PRORP: variants seen among roughly 807,000 people sequenced by gnomAD.
PRORP encodes mitochondrial ribonuclease P catalytic subunit.
Under a neutral mutation model 59.4 loss-of-function variants are expected in PRORP, and 51 were observed. The observed-to-expected ratio is 0.86, with a 90% CI of 0.69 to 1.08. The LOEUF is 1.08. PRORP is among the 50% of genes least tolerant of loss of function. The pLI is 0.00. For synonymous variants in PRORP, 231 were observed against 245.6 expected (o/e 0.94, Z 0.55); for missense variants, 646 against 690.3 (o/e 0.94, Z 0.72).
chr14:35,250,189 G>A (rs1467926534), intron 5 of PRORP, among the ~76,000 whole-genome samples: 1 of 150,790 alleles, frequency 6.6e-6, no homozygotes, highest in Non-Finnish European at 1.5e-5. Flanking sequence ...CCACGATCTC[G>A]CCACTGCACA....
At chr14:35,152,569 T>A (rs969093364) in intron 4 of PRORP, among the ~76,000 whole-genome samples, 19 of 148,748 alleles carry the variant, frequency 1.3e-4, no homozygotes, top group Admixed American at 2.0e-4. Flanking sequence ...GCCCCCCACC[T>A]CCCTCCCGGA....
rs1207211261 is a variant in PRORP, at chr14:35,123,173, C to CT, written c.-72dup. The CT allele has an allele frequency of 2.3e-5, 34 of 1,476,326 alleles. No individual in the cohort carries two copies. In the East Asian group the frequency reaches 7.5e-4, roughly 33 times the overall value. 91.5% of individuals were successfully genotyped at this position (1,476,326 alleles called of 1,614,324 possible). A position where few individuals can be genotyped will look rare whatever the true frequency, so the allele number is the denominator to read the frequency against. On this transcript the variant is annotated 5_prime_UTR_variant, in exon 2 of 8. Coordinates refer to ENST00000534898, the MANE Select transcript of PRORP (RefSeq NM_014672.4). ...CGACTCTGCACCGCCGACCCCCAAT[C>CT]TCTTTAATTTTGCCATAGAAGAGGG... is the stretch of plus-strand genomic sequence containing the variant.
intron 5 of PRORP, among the ~76,000 whole-genome samples, chr14:35,223,200 A>G (rs956455445): frequency 2.7e-5 from 4 of 149,778 alleles, no homozygotes; most frequent in Non-Finnish European, 4.4e-5. Flanking sequence ...GAAATTGTCA[A>G]TGTGGTATCA....
chr14:35,186,149 ATT>A (rs34848889), intron 5 of PRORP, among the ~76,000 whole-genome samples: 6 of 131,414 alleles, frequency 4.6e-5, no homozygotes, highest in African/African-American at 5.8e-5. Context: ...AGTCCAGCTA[ATT>A]TTTTTTTTTT....
At chr14:35,155,693 T>C (rs946270078) in intron 4 of PRORP, among the ~76,000 whole-genome samples, 10 of 151,780 alleles carry the variant, frequency 6.6e-5, no homozygotes, top group Middle Eastern at 3.2e-3. Flanking sequence ...AATCTTCCTA[T>C]AGTAAAGATT....
chr14:35,124,565 T>G (rs1272112697), intron 2 of PRORP, among the ~76,000 whole-genome samples: 1 of 151,752 alleles, frequency 6.6e-6, no homozygotes, highest in Non-Finnish European at 1.5e-5. Context: ...ACGACAAAAT[T>G]TTCTCTCTTT....
intron 4 of PRORP, among the ~76,000 whole-genome samples, chr14:35,176,250 T>A (rs1185348020): frequency 6.6e-6 from 1 of 152,194 alleles, no homozygotes. Context: ...ATATGAACTT[T>A]AAAGTAGTTT....
chr14:35,258,486 A>G (rs2050814634), intron 5 of PRORP, among the ~76,000 whole-genome samples: 1 of 152,206 alleles, frequency 6.6e-6, no homozygotes, highest in Non-Finnish European at 1.5e-5. Flanking sequence ...TTGGAAACAG[A>G]AACCCCAAAT....
chr14:35,125,171 A>C (rs151193425), intron 2 of PRORP, among the ~76,000 whole-genome samples: 1 of 152,242 alleles, frequency 6.6e-6, no homozygotes, highest in East Asian at 1.9e-4. Context: ...TATTCTGTCT[A>C]CTATCTATAG....
At chr14:35,186,207 G>T (rs2048738181) in intron 5 of PRORP, among the ~76,000 whole-genome samples, 1 of 133,826 alleles carries the variant, frequency 7.5e-6, no homozygotes, top group South Asian at 2.3e-4. Flanking sequence ...GGCTGGTCTT[G>T]AACTCCTGGG....
intron 5 of PRORP, among the ~76,000 whole-genome samples, chr14:35,197,565 C>G (rs1443523097): frequency 2.0e-5 from 3 of 152,038 alleles, no homozygotes; most frequent in Non-Finnish European, 4.4e-5. Context: ...TTATCCCAGT[C>G]AAATACGATT....
intron 5 of PRORP, among the ~76,000 whole-genome samples, chr14:35,256,542 G>T (rs1429809142): frequency 6.6e-6 from 1 of 151,718 alleles, no homozygotes; most frequent in Non-Finnish European, 1.5e-5. Context: ...ATGTTGGTCA[G>T]TCTGGTCTCG....
intron 5 of PRORP, among the ~76,000 whole-genome samples, chr14:35,243,502 C>T (rs1224099003): frequency 2.7e-5 from 4 of 150,168 alleles, no homozygotes; most frequent in Non-Finnish European, 4.4e-5. Context: ...CACCACTGCA[C>T]TCCAGTCTGG....
At chr14:35,186,197 G>A (rs976815300) in intron 5 of PRORP, among the ~76,000 whole-genome samples, 7 of 148,838 alleles carry the variant, frequency 4.7e-5, no homozygotes, top group Non-Finnish European at 8.9e-5. Context: ...ATGTTGCCCG[G>A]GCTGGTCTTG....
chr14:35,250,083 A>AT (rs1428167588), intron 5 of PRORP, among the ~76,000 whole-genome samples: 1 of 152,066 alleles, frequency 6.6e-6, no homozygotes, highest in Non-Finnish European at 1.5e-5. Context: ...CCCTGTCTCT[A>AT]TAAAAAATAC....
At chr14:35,247,182 T>C (rs1034904538) in intron 5 of PRORP, among the ~76,000 whole-genome samples, 1 of 152,178 alleles carries the variant, frequency 6.6e-6, no homozygotes, top group Non-Finnish European at 1.5e-5. Context: ...TATTAAGTAA[T>C]AGAAGTTGGA....
chr14:35,187,627 G>A (rs755807322), intron 5 of PRORP, among the ~76,000 whole-genome samples: 2 of 151,080 alleles, frequency 1.3e-5, no homozygotes, highest in African/African-American at 2.4e-5. Context: ...ACGGGTTTTC[G>A]CCATGTTGGC....
Position 35,123,201 on chromosome 14 carries a change from T to C in PRORP, c.-45T>C. On this transcript the variant is annotated 5_prime_UTR_variant, in exon 2 of 8. Coordinates refer to ENST00000534898, the MANE Select transcript of PRORP (RefSeq NM_014672.4). ...TTTAATTTTGCCATAGAAGAGGGGT[T>C]TTTTCAACATCTCTCTCACTATCTG... 6.4e-7 allele frequency: 1 copy of C among 1,557,312 alleles called. No homozygotes were observed. The highest frequency in any genetic ancestry group is 8.6e-7 in the Non-Finnish European group (1 of 1,156,756).
At chr14:35,269,758 G>C (rs1379380832) in intron 6 of PRORP, among the ~76,000 whole-genome samples, 1 of 152,074 alleles carries the variant, frequency 6.6e-6, no homozygotes, top group Admixed American at 6.6e-5. Context: ...TCAAGGCATA[G>C]GGCATATCAC....
Sources: gnomAD v4.1 joint callset for allele counts (sites outside exome capture counted in the v4.1 genomes callset) on GRCh38, gnomAD v4.1.1 for gene constraint, MANE v1.5 for transcripts, NCBI Gene and HGNC (gene_info 2026-07-23, HGNC 2026-07-21) for gene names.